ACOXL: variants seen among roughly 807,000 people sequenced by gnomAD.
ACOXL encodes acyl-coenzyme A oxidase-like protein.
Under a neutral mutation model 71.9 loss-of-function variants are expected in ACOXL, and 70 were observed. That is an observed-to-expected ratio of 0.97 (90% CI 0.80 to 1.19). ACOXL has a LOEUF of 1.19. ACOXL is among the 50% of genes most tolerant of loss of function. The pLI, the probability that ACOXL is intolerant of heterozygous loss-of-function variation, is 0.00. For synonymous variants in ACOXL, 253 were observed against 281.6 expected (o/e 0.90, Z 1.02); for missense variants, 703 against 736.3 (o/e 0.95, Z 0.52).
At chr2:111,093,387 T>G in intron 17 of ACOXL, 2 of 1,506,816 alleles carry the variant, frequency 1.3e-6, no homozygotes, top group Non-Finnish European at 1.8e-6. Context: ...AAAAAGAAGG[T>G]GAGGCCAGTA....
chr2:110,889,665 T>C (rs1697717130), intron 10 of ACOXL, among the ~76,000 whole-genome samples: 1 of 152,240 alleles, frequency 6.6e-6, no homozygotes, highest in Non-Finnish European at 1.5e-5. Context: ...ACAGCATGTA[T>C]TGGAATTTCA....
chr2:110,974,704 C>G (rs991528868), intron 12 of ACOXL, among the ~76,000 whole-genome samples: 1 of 152,194 alleles, frequency 6.6e-6, no homozygotes, highest in Admixed American at 6.5e-5. Flanking sequence ...CCTGACTGAT[C>G]TGGCTGGCTT....
chr2:110,844,127 C>T (rs190887097), intron 10 of ACOXL, among the ~76,000 whole-genome samples: 1 of 152,310 alleles, frequency 6.6e-6, no homozygotes, highest in Admixed American at 6.5e-5. Flanking sequence ...TCAGAGACAG[C>T]ATGAGGGCTT....
chr2:110,909,620 A>C (rs530271672), intron 11 of ACOXL, among the ~76,000 whole-genome samples: 10 of 152,050 alleles, frequency 6.6e-5, no homozygotes, highest in Admixed American at 2.0e-4. Context: ...TGTTAACTCC[A>C]GTCATTCATT....
intron 1 of ACOXL, among the ~76,000 whole-genome samples, chr2:110,767,212 A>G (rs1002161497): frequency 5.9e-5 from 9 of 152,208 alleles, no homozygotes; most frequent in African/African-American, 2.2e-4. Flanking sequence ...GAAACATTCT[A>G]GGTGGCCAAA....
chr2:110,968,217 T>A (rs1377741903), intron 12 of ACOXL: 1 of 1,072,634 alleles, frequency 9.3e-7, no homozygotes, highest in East Asian at 2.3e-5. Context: ...TGACTGGCAA[T>A]GAATACAATG....
chr2:110,909,057 T>A, intron 11 of ACOXL, 152 bp downstream of exon 11: 1 of 571,284 alleles, frequency 1.8e-6, no homozygotes, highest in Non-Finnish European at 3.0e-6. Context: ...AAAAGCATCC[T>A]TGGATGCTTA....
At chr2:110,882,019 G>C (rs963837658) in intron 10 of ACOXL, among the ~76,000 whole-genome samples, 1 of 152,046 alleles carries the variant, frequency 6.6e-6, no homozygotes, top group Non-Finnish European at 1.5e-5. Flanking sequence ...TCATGTAGTC[G>C]GTGTATGTTT....
In ACOXL at chr2:111,040,953, C is replaced by A. The variant is rs373207848; in HGVS notation, c.1370-8265C>A. Reference sequence around the variant, plus strand: ...CTTGGAAAAAGCTTTGGGAAGATTTCTTCAGGTGTGGAGGTGAACAGCTCT... The same window carrying A: ...CTTGGAAAAAGCTTTGGGAAGATTTATTCAGGTGTGGAGGTGAACAGCTCT... On this transcript the variant is annotated intron_variant, in intron 15 of 17. Coordinates refer to ENST00000439055, the MANE Select transcript of ACOXL (RefSeq NM_001142807.4). 3.9e-5 allele frequency among the ~76,000 whole-genome samples: 6 copies of A among 152,180 alleles called. No homozygotes were observed. In the South Asian group the frequency reaches 6.2e-4, roughly 16 times the overall value.
chr2:110,874,576 G>A (rs1433906779), intron 10 of ACOXL, among the ~76,000 whole-genome samples: 1 of 152,182 alleles, frequency 6.6e-6, no homozygotes, highest in Non-Finnish European at 1.5e-5. Flanking sequence ...GACGAGATTA[G>A]CATTTCTGCA....
chr2:111,047,778 G>A (rs959519948), intron 15 of ACOXL, among the ~76,000 whole-genome samples: 1 of 152,212 alleles, frequency 6.6e-6, no homozygotes, highest in African/African-American at 2.4e-5. Context: ...TCTGCCAATT[G>A]AAGACTGGGT....
chr2:110,770,717 C>G (rs1573434749), intron 2 of ACOXL, among the ~76,000 whole-genome samples: 3 of 152,248 alleles, frequency 2.0e-5, no homozygotes, highest in Non-Finnish European at 4.4e-5. Flanking sequence ...CAACCACTCT[C>G]TCTGTCAGAG....
At chr2:111,103,079 C>A (rs2069287367) in intron 17 of ACOXL, among the ~76,000 whole-genome samples, 1 of 152,058 alleles carries the variant, frequency 6.6e-6, no homozygotes. Context: ...TCACTTGAGG[C>A]CAGGAGTTCA....
At chr2:110,963,651 G>A in intron 12 of ACOXL, 1 of 1,613,738 alleles carries the variant, frequency 6.2e-7, no homozygotes, top group Non-Finnish European at 8.5e-7. Flanking sequence ...TCGAATCTCA[G>A]GCTTAAAGTG....
intron 1 of ACOXL, among the ~76,000 whole-genome samples, chr2:110,743,483 A>G (rs1196949938): frequency 6.6e-6 from 1 of 152,138 alleles, no homozygotes; most frequent in Non-Finnish European, 1.5e-5. Flanking sequence ...AAAATTTACT[A>G]ATTTTTCCAG....
chr2:110,962,496 A>G (rs2061737532), intron 12 of ACOXL, among the ~76,000 whole-genome samples: 1 of 152,372 alleles, frequency 6.6e-6, no homozygotes, highest in East Asian at 1.9e-4. Flanking sequence ...AACACCGCCC[A>G]GTCAGCATTG....
chr2:110,957,444 C>T (rs750465786), intron 12 of ACOXL, among the ~76,000 whole-genome samples: 12 of 152,154 alleles, frequency 7.9e-5, no homozygotes, highest in Non-Finnish European at 1.3e-4. Context: ...GGCTGCTATA[C>T]GAAGTGCCAT....
intron 9 of ACOXL, among the ~76,000 whole-genome samples, chr2:110,818,787 A>G (rs1425524556): frequency 1.3e-5 from 2 of 152,070 alleles, no homozygotes; most frequent in Non-Finnish European, 2.9e-5. Flanking sequence ...TTTCAGTCCT[A>G]TTGGAAAAGC....
chr2:110,921,660 T>C lies in ACOXL; in HGVS notation c.906-11829T>C, dbSNP rs953043993. Among the ~76,000 whole-genome samples the C allele has an allele frequency of 2.0e-5, 3 of 152,102 alleles. No homozygotes were observed. In the South Asian group the frequency reaches 6.2e-4, roughly 32 times the overall value. On this transcript the variant is annotated intron_variant, in intron 11 of 17. Coordinates refer to ENST00000439055, the MANE Select transcript of ACOXL (RefSeq NM_001142807.4). ...TGCCCGCCTTGGCCTCCCAAAGTAC[T>C]AGGATTACAGGCATGAGCCACCGCG...
Sources: allele counts gnomAD v4.1 joint callset (sites outside exome capture counted in the v4.1 genomes callset), GRCh38; gene constraint gnomAD v4.1.1; transcripts MANE v1.5; gene names NCBI Gene and HGNC (gene_info 2026-07-23, HGNC 2026-07-21).